DYNC2H1: variants seen among roughly 807,000 people sequenced by gnomAD.
The protein encoded by DYNC2H1 is cytoplasmic dynein 2 heavy chain 1.
DYNC2H1 carries 410 observed loss-of-function variants against 570.0 expected under a neutral mutation model. The ratio of observed to expected loss-of-function variants is 0.72; its 90% confidence interval spans 0.66 to 0.78. The LOEUF (loss-of-function observed/expected upper bound fraction) is 0.78, where lower values mean the gene tolerates loss of function less well. DYNC2H1 is among the 30% of genes least tolerant of loss of function. DYNC2H1 has a pLI of 0.00. For missense variants in DYNC2H1, 4,865 were observed against 5,046.4 expected (o/e 0.96, Z 1.09); for synonymous variants, 1,688 against 1,677.6 (o/e 1.01, Z -0.15).
intron 37 of DYNC2H1, among the ~76,000 whole-genome samples, chr11:103,176,807 A>G (rs1242664319): frequency 1.3e-5 from 2 of 151,818 alleles, no homozygotes; most frequent in Non-Finnish European, 2.9e-5. Flanking sequence ...CCAGGTTCAA[A>G]CAATTCTCCT....
intron 5 of DYNC2H1, 24 bp from the exon 6 acceptor site, chr11:103,117,607 A>T: frequency 6.6e-7 from 1 of 1,519,822 alleles, no homozygotes; most frequent in Non-Finnish European, 8.9e-7. Context: ...TTTCCCTTAA[A>T]CTCTTTGCTT....
At chr11:103,381,579 G>C (rs1941650589) in intron 83 of DYNC2H1, among the ~76,000 whole-genome samples, 1 of 152,184 alleles carries the variant, frequency 6.6e-6, no homozygotes, top group African/African-American at 2.4e-5. Context: ...CTCCCGCGTA[G>C]CTGGGATTAC....
chr11:103,138,023 CTGTT>C (rs1397502444), intron 17 of DYNC2H1, among the ~76,000 whole-genome samples: 2 of 150,624 alleles, frequency 1.3e-5, no homozygotes, highest in Non-Finnish European at 3.0e-5. Flanking sequence ...ATTTGGCTCT[CTGTT>C]TGTCTGTTAT....
chr11:103,341,992 C>G lies in DYNC2H1; in HGVS notation c.12040-16251C>G, dbSNP rs1939464508. Among the ~76,000 whole-genome samples, 2 of 152,070 alleles carry G rather than the reference C, an allele frequency of 1.3e-5. 1 individual carries two copies. The highest frequency in any genetic ancestry group is 4.1e-4 in the South Asian group (2 of 4,822). ...CCCTTCTCTACAAAAAATTAAAAAA[C>G]TAGCTGTGTGTGGTGGCATGTGCCT... On this transcript the variant is annotated intron_variant, in intron 82 of 88. Coordinates refer to ENST00000375735, the MANE Select transcript of DYNC2H1 (RefSeq NM_001377.3).
intron 85 of DYNC2H1, among the ~76,000 whole-genome samples, chr11:103,452,982 G>GTT (rs2135799464): frequency 6.6e-6 from 1 of 152,124 alleles, no homozygotes; most frequent in South Asian, 2.1e-4. Context: ...CAGTTTAGAA[G>GTT]TTTTACTGCC....
chr11:103,328,171 C>T (rs556685236), intron 82 of DYNC2H1, among the ~76,000 whole-genome samples: 152 of 152,200 alleles, frequency 1.0e-3, no homozygotes, highest in Non-Finnish European at 1.4e-3. Flanking sequence ...TGGGATGAAA[C>T]GAAGATAAAA....
At position 103,143,534 on chromosome 11, in the gene DYNC2H1, T is replaced by C. The variant is rs1479022485; in HGVS notation, c.2702+139T>C. 7.1e-6 allele frequency: 6 copies of C among 841,966 alleles called. No individual in the cohort carries two copies. The East Asian group carries it at 1.8e-4, about 25-fold the overall frequency. 52.2% of individuals were successfully genotyped at this position (841,966 alleles called of 1,614,324 possible). ...TCTCATTTATGACACTTGAGTATCA[T>C]CTAGGTAGGGCATTACAGATAATAA... On this transcript the variant is annotated intron_variant, in intron 18 of 88. Transcript: ENST00000375735.
intron 70 of DYNC2H1, among the ~76,000 whole-genome samples, chr11:103,273,643 T>A (rs1427299088): frequency 6.6e-6 from 1 of 152,206 alleles, no homozygotes; most frequent in Non-Finnish European, 1.5e-5. Flanking sequence ...TATTGTTAAA[T>A]ACTTATGGCT....
At chr11:103,456,990 T>C (rs958991893) in intron 87 of DYNC2H1, among the ~76,000 whole-genome samples, 1 of 152,244 alleles carries the variant, frequency 6.6e-6, no homozygotes, top group African/African-American at 2.4e-5. Flanking sequence ...GTGCAAATAG[T>C]CATGCACTGC....
Position 103,152,282 on chromosome 11 carries a change from C to G in DYNC2H1, c.3093C>G (p.Asp1031Glu), listed in dbSNP as rs1019904184. The change falls in exon 21 of 89, where the codon GAC (aspartate) becomes GAG (glutamate). Residue 1031 changes from aspartate to glutamate, a missense_variant. Around this residue, in one of 5 missense-constraint regions of DYNC2H1, gnomAD observed 1,936 missense variants for 1,962.1 expected, o/e 0.99. Transcript: ENST00000375735. ...AAAGTCACCAACTTATGATTAAAGACCAGGTTAGAATCTTTTAATTATTTA... is the reference window on the plus strand; with the variant it reads ...AAAGTCACCAACTTATGATTAAAGAGCAGGTTAGAATCTTTTAATTATTTA... ...MMESHQLMIK[D>E]QIEVMKGNVK... 6.3e-7 allele frequency: 1 copy of G among 1,594,666 alleles called. No homozygotes were observed.
At chr11:103,202,367 T>C (rs181723940) in intron 50 of DYNC2H1, among the ~76,000 whole-genome samples, 133 of 142,590 alleles carry the variant, frequency 9.3e-4, no homozygotes, top group Middle Eastern at 4.3e-3. Context: ...TTAAGACAAA[T>C]TGGTCTTTAT....
chr11:103,118,526 T>A lies in DYNC2H1; in HGVS notation c.999+663T>A, dbSNP rs940338612. The stretch of plus-strand genomic sequence containing the variant: ...CTGCCTTTCTCTTAACCTTTTTTTT[T>A]AAATGGAATATTTATAAAGCAGAGA... On this transcript the variant is annotated intron_variant, in intron 6 of 88. Coordinates refer to ENST00000375735, the MANE Select transcript of DYNC2H1 (RefSeq NM_001377.3). Among the ~76,000 whole-genome samples, 3 of 152,118 alleles carry A rather than the reference T, an allele frequency of 2.0e-5. No individual in the cohort carries two copies. In the East Asian group the frequency reaches 5.8e-4, roughly 29 times the overall value.
At chr11:103,329,467 T>C (rs537316745) in intron 82 of DYNC2H1, among the ~76,000 whole-genome samples, 1 of 152,170 alleles carries the variant, frequency 6.6e-6, no homozygotes, top group Admixed American at 6.5e-5. Context: ...GGTGAAAAAG[T>C]GATGCAAATG....
In DYNC2H1 at chr11:103,308,182, T is replaced by C. The variant is rs77592328; in HGVS notation, c.11493+351T>C. ...CTCTATGACCATTGAAGAGCAACTC[T>C]TCATTTTGCCCTATCCTCTGGCAAC... On this transcript the variant is annotated intron_variant, in intron 78 of 88. Transcript: ENST00000375735. 8.1e-3 allele frequency among the ~76,000 whole-genome samples: 1,235 copies of C among 152,300 alleles called. 16 individuals are homozygous for C. The highest frequency in any genetic ancestry group is 0.021 in the African/African-American group (863 of 41,554).
In DYNC2H1 at chr11:103,163,887, G is replaced by A. The variant is rs1242298206; in HGVS notation, c.4611+740G>A. Among the ~76,000 whole-genome samples the A allele has an allele frequency of 6.6e-6, 1 of 152,114 alleles. No individual in the cohort carries two copies. The highest frequency in any genetic ancestry group is 1.5e-5 in the Non-Finnish European group (1 of 68,010). ...TTTTCAAATAAAAAAAAATGTAGTG[G>A]CTATTGGAACAGGTTTTTATGTTGA... On this transcript the variant is annotated intron_variant, in intron 30 of 88. Coordinates refer to ENST00000375735, the MANE Select transcript of DYNC2H1 (RefSeq NM_001377.3). The surrounding 1 kb of genome is among the most constrained non-coding windows in gnomAD (Gnocchi z 4.6).
intron 85 of DYNC2H1, among the ~76,000 whole-genome samples, chr11:103,450,929 T>A (rs1944576406): frequency 6.6e-6 from 1 of 152,248 alleles, no homozygotes; most frequent in Non-Finnish European, 1.5e-5. Flanking sequence ...ATTAGGTTCA[T>A]ACTGTGTATA....
chr11:103,257,759 G>C lies in DYNC2H1; in HGVS notation c.10605+8G>C. Reference sequence around the variant, plus strand: ...GCTCTACAAAACAAACAGGTAAGCTGTTGGATACCCTGTACCAGAGACTGA... The same window carrying C: ...GCTCTACAAAACAAACAGGTAAGCTCTTGGATACCCTGTACCAGAGACTGA... On this transcript the variant is annotated splice_region_variant and intron_variant, in intron 69 of 88. Transcript: ENST00000375735. 1.3e-6 allele frequency: 2 copies of C among 1,575,610 alleles called. No homozygotes were observed. The highest frequency in any genetic ancestry group is 1.7e-6 in the Non-Finnish European group (2 of 1,159,976).
Position 103,169,577 on chromosome 11 carries a change from G to A in DYNC2H1, c.4969-531G>A, listed in dbSNP as rs189541817. Among the ~76,000 whole-genome samples the A allele has an allele frequency of 1.6e-4, 24 of 152,078 alleles. No homozygotes were observed. The East Asian group carries it at 4.4e-3, about 28-fold the overall frequency. On this transcript the variant is annotated intron_variant, in intron 32 of 88. Coordinates refer to ENST00000375735, the MANE Select transcript of DYNC2H1 (RefSeq NM_001377.3). ...ACCCAAATCTATCTACCTCAATTGAGGAAAAACACACTGTAAATTGTAGCT... is the reference window on the plus strand; with the variant it reads ...ACCCAAATCTATCTACCTCAATTGAAGAAAAACACACTGTAAATTGTAGCT...
intron 39 of DYNC2H1, among the ~76,000 whole-genome samples, chr11:103,180,026 A>C (rs1861785715): frequency 6.6e-6 from 1 of 151,638 alleles, no homozygotes; most frequent in Admixed American, 6.6e-5. Context: ...TTTTGAAATT[A>C]TTTAGTTGTT....
Sources: gnomAD v4.1 joint callset for allele counts (sites outside exome capture counted in the v4.1 genomes callset) on GRCh38, gnomAD v4.1.1 for gene constraint, gnomAD v4.1.1 regional missense constraint, Gnocchi (gnomAD v3.1) non-coding constraint, MANE v1.5 for transcripts, NCBI Gene and HGNC (gene_info 2026-07-23, HGNC 2026-07-21) for gene names.